Variants in SENP6 observed in about 807,000 individuals in gnomAD.
SENP6 encodes SUMO specific peptidase 6, also known as sentrin-specific protease 6.
SENP6 carries 41 observed loss-of-function variants against 134.5 expected under a neutral mutation model. The ratio of observed to expected loss-of-function variants is 0.30; its 90% CI spans 0.24 to 0.40. SENP6 has a LOEUF of 0.40. Among genes scored for constraint, SENP6 ranks in the 10% least tolerant of loss-of-function variants. The pLI, the probability that SENP6 is intolerant of heterozygous loss-of-function variation, is 1.00. For synonymous variants in SENP6, 395 were observed against 429.8 expected (o/e 0.92, Z 1.00); for missense variants, 1,248 against 1,312.5 (o/e 0.95, Z 0.76).
intron 1 of SENP6, among the ~76,000 whole-genome samples, chr6:75,606,324 T>C (rs1372958389): frequency 2.0e-5 from 3 of 152,234 alleles, no homozygotes; most frequent in Admixed American, 6.5e-5. Context: ...TCTACTCTCC[T>C]CTCCCCTCTT....
At chr6:75,669,072 G>A (rs796218486) in intron 10 of SENP6, among the ~76,000 whole-genome samples, 1 of 152,124 alleles carries the variant, frequency 6.6e-6, no homozygotes, top group African/African-American at 2.4e-5. Context: ...AAAATAGGCC[G>A]GATGCGGTGG....
In SENP6 at chr6:75,638,518, A is replaced by G. The variant is rs921836315; in HGVS notation, c.459-2166A>G. 2.1e-5 allele frequency among the ~76,000 whole-genome samples: 3 copies of G among 141,576 alleles called. No homozygotes were observed. In the Admixed American group the frequency reaches 2.2e-4, roughly 10 times the overall value. 92.9% of individuals were successfully genotyped at this position (141,576 alleles called of 152,430 possible). A position where few individuals can be genotyped will look rare whatever the true frequency, so the allele number is the denominator to read the frequency against. The stretch of plus-strand genomic sequence containing the variant: ...ATAATGAATGCATTTTTTCTCAAGG[A>G]TAAGAAAAATGAGCATTGATGTGTC... On this transcript the variant is annotated intron_variant, in intron 5 of 23. Transcript: ENST00000447266.
At chr6:75,677,313 A>G in intron 14 of SENP6, 57 bp downstream of exon 14, 1 of 1,155,230 alleles carries the variant, frequency 8.7e-7, no homozygotes, top group Non-Finnish European at 1.2e-6. Flanking sequence ...TTTAAAGGGA[A>G]ATATGTTTTA....
At chr6:75,701,339 G>C (rs1453653356) in intron 18 of SENP6, among the ~76,000 whole-genome samples, 1 of 152,044 alleles carries the variant, frequency 6.6e-6, no homozygotes, top group Non-Finnish European at 1.5e-5. Flanking sequence ...CTCTACTGTT[G>C]GGAACAGTGA....
intron 11 of SENP6, 29 bp from the exon 12 acceptor site, chr6:75,675,406 G>C: frequency 7.8e-7 from 1 of 1,277,720 alleles, no homozygotes; most frequent in Non-Finnish European, 1.1e-6. Context: ...TGTAAGTCTA[G>C]AGCAATACTA....
rs1776066717 is a variant in SENP6, at chr6:75,717,302, A to G, written c.*1708A>G. On this transcript the variant is annotated 3_prime_UTR_variant, in exon 24 of 24. Coordinates refer to ENST00000447266, the MANE Select transcript of SENP6 (RefSeq NM_015571.4). ...TTTTAATGAACTATATTTTGTCAGA[A>G]TCTGAAGGTACTGAAAAACTATTCT... 6.6e-6 allele frequency: 1 copy of G among 152,068 alleles called. No homozygotes were observed. Among genetic ancestry groups the G allele is most frequent in the South Asian group, 2.1e-4 (1 of 4,836 alleles). 9.4% of individuals were successfully genotyped at this position (152,068 alleles called of 1,614,324 possible). A position where few individuals can be genotyped will look rare whatever the true frequency, so the allele number is the denominator to read the frequency against.
intron 11 of SENP6, among the ~76,000 whole-genome samples, chr6:75,674,298 A>G (rs920280324): frequency 1.3e-5 from 2 of 151,870 alleles, no homozygotes; most frequent in African/African-American, 4.8e-5. Context: ...TTGGGACTAT[A>G]GGTACATGCC....
intron 14 of SENP6, 25 bp downstream of exon 14, chr6:75,677,281 A>G: frequency 7.0e-7 from 1 of 1,422,402 alleles, no homozygotes; most frequent in Non-Finnish European, 9.6e-7. Flanking sequence ...TAATTTAAAA[A>G]TATTCTTAAA....
chr6:75,707,998 A>C (rs1032204424), intron 19 of SENP6, among the ~76,000 whole-genome samples: 4 of 152,116 alleles, frequency 2.6e-5, no homozygotes, highest in African/African-American at 9.7e-5. Context: ...ATAGTGCTTC[A>C]TTGGTTTATC....
chr6:75,656,718 T>C (rs1404647561), intron 7 of SENP6, among the ~76,000 whole-genome samples: 1 of 152,204 alleles, frequency 6.6e-6, no homozygotes, highest in Non-Finnish European at 1.5e-5. Context: ...TCATTTACCA[T>C]TTCTCCTCAT....
intron 5 of SENP6, among the ~76,000 whole-genome samples, chr6:75,640,379 G>A (rs990832543): frequency 6.6e-6 from 1 of 152,300 alleles, no homozygotes; most frequent in South Asian, 2.1e-4. Flanking sequence ...GGAAAGGATC[G>A]TTAGAGAATA....
At chr6:75,623,288 A>G (rs1359959449) in intron 2 of SENP6, among the ~76,000 whole-genome samples, 1 of 152,146 alleles carries the variant, frequency 6.6e-6, no homozygotes, top group Non-Finnish European at 1.5e-5. Flanking sequence ...GTTCATCATG[A>G]GTCTCAGGCA....
At chr6:75,678,197 G>A (rs987579155) in intron 14 of SENP6, 45 of 174,770 alleles carry the variant, frequency 2.6e-4, no homozygotes, top group Non-Finnish European at 9.4e-5. Context: ...TCATTAGACT[G>A]TGTTCCCTGA....
At chr6:75,673,479 A>G (rs557671037) in intron 11 of SENP6, among the ~76,000 whole-genome samples, 3 of 151,720 alleles carry the variant, frequency 2.0e-5, no homozygotes, top group African/African-American at 7.3e-5. Flanking sequence ...GCCTGCCACC[A>G]TGCCTGGCTA....
At chr6:75,695,398 A>G (rs1055529181) in intron 16 of SENP6, among the ~76,000 whole-genome samples, 6 of 152,290 alleles carry the variant, frequency 3.9e-5, no homozygotes, top group African/African-American at 1.4e-4. Flanking sequence ...TAAAGAAGAG[A>G]GATTGATGGT....
At chr6:75,671,209 TTTA>T (rs1772648634) in intron 11 of SENP6, among the ~76,000 whole-genome samples, 2 of 152,212 alleles carry the variant, frequency 1.3e-5, no homozygotes, top group Non-Finnish European at 2.9e-5. Context: ...AATCCAAGTT[TTTA>T]TTTTCTATTT....
Position 75,711,316 on chromosome 6 carries a change from T to G in SENP6, c.2821-12T>G. 1.3e-6 allele frequency: 2 copies of G among 1,596,706 alleles called. No individual in the cohort carries two copies. Among genetic ancestry groups the G allele is most frequent in the Non-Finnish European group, 1.7e-6 (2 of 1,165,724 alleles). On this transcript the variant is annotated splice_polypyrimidine_tract_variant and intron_variant, in intron 20 of 23. Transcript: ENST00000447266. The stretch of plus-strand genomic sequence containing the variant: ...TATATTTTCAGTATTAACAGTAGGC[T>G]GTCTTTTATAGGATGATAGCAGTGA...
At chr6:75,696,591 C>T (rs1194224354) in intron 17 of SENP6, among the ~76,000 whole-genome samples, 2 of 152,304 alleles carry the variant, frequency 1.3e-5, no homozygotes, top group African/African-American at 2.4e-5. Flanking sequence ...GATCCTTCCA[C>T]CTCAGCCTCC....
At chr6:75,669,098 C>T (rs566814376) in intron 10 of SENP6, among the ~76,000 whole-genome samples, 1 of 152,184 alleles carries the variant, frequency 6.6e-6, no homozygotes, top group African/African-American at 2.4e-5. Flanking sequence ...ACCTGTAATC[C>T]CAGCACTTTC....
Sources: gnomAD v4.1 joint callset for allele counts (sites outside exome capture counted in the v4.1 genomes callset) on GRCh38, gnomAD v4.1.1 for gene constraint, MANE v1.5 for transcripts, NCBI Gene and HGNC (gene_info 2026-07-23, HGNC 2026-07-21) for gene names.